DPP6: variants seen among roughly 807,000 people sequenced by gnomAD.
DPP6 encodes A-type potassium channel modulatory protein DPP6.
In DPP6, 69 loss-of-function variants were observed where a neutral mutation model predicts 122.6. The ratio of observed to expected loss-of-function variants is 0.56; its 90% CI spans 0.46 to 0.69. DPP6 has a LOEUF of 0.69. DPP6 is among the 30% of genes least tolerant of loss of function. The pLI, the probability that DPP6 is intolerant of heterozygous loss-of-function variation, is 0.00. For synonymous variants in DPP6, 418 were observed against 433.1 expected (o/e 0.97, Z 0.43); for missense variants, 928 against 1,116.9 (o/e 0.83, Z 2.41).
At chr7:153,994,033 C>T (rs2129043375) in intron 1 of DPP6, among the ~76,000 whole-genome samples, 1 of 152,252 alleles carries the variant, frequency 6.6e-6, no homozygotes, top group African/African-American at 2.4e-5. Context: ...TTACACTATC[C>T]AGTACTAGAT....
At chr7:153,784,131 C>T in the DPP6 span, among the ~76,000 whole-genome samples, 20 of 152,270 alleles carry the variant, frequency 1.3e-4, no homozygotes, top group Non-Finnish European at 2.8e-4. Context: ...ATGGAGTTTT[C>T]CATTTCTTGT....
intron 1 of DPP6, among the ~76,000 whole-genome samples, chr7:154,406,234 C>G (rs1422826108): frequency 3.3e-5 from 5 of 152,118 alleles, no homozygotes; most frequent in African/African-American, 1.2e-4. Context: ...AAAGGTAAGT[C>G]TACAGTGTGC....
intron 5 of DPP6, among the ~76,000 whole-genome samples, chr7:154,573,057 C>T (rs543840614): frequency 1.3e-5 from 2 of 152,164 alleles, no homozygotes; most frequent in East Asian, 3.9e-4. Flanking sequence ...TACTGCCATC[C>T]CTTCTTCATT....
chr7:154,518,740 A>G (rs1260466359), intron 3 of DPP6, among the ~76,000 whole-genome samples: 2 of 152,228 alleles, frequency 1.3e-5, no homozygotes, highest in Admixed American at 1.3e-4. Flanking sequence ...TGCTAATAAC[A>G]TTAGTAGTCC....
chr7:154,627,301 T>C (rs1586763389), intron 5 of DPP6, among the ~76,000 whole-genome samples: 1 of 149,952 alleles, frequency 6.7e-6, no homozygotes, highest in East Asian at 2.0e-4. Context: ...GTTTTCGCCA[T>C]TATCCTGCCT....
intron 1 of DPP6, among the ~76,000 whole-genome samples, chr7:154,371,443 A>G (rs1304907365): frequency 6.6e-6 from 1 of 151,572 alleles, no homozygotes. Context: ...AAACAAAAAA[A>G]TGTTGCAGTG....
intron 1 of DPP6, among the ~76,000 whole-genome samples, chr7:154,017,190 C>A (rs2907745): frequency 2.0e-5 from 3 of 152,166 alleles, no homozygotes; most frequent in Non-Finnish European, 2.9e-5. Context: ...GCCTCAGCCT[C>A]CCGAGTAACT....
chr7:153,992,825 A>T (rs1797241616), intron 1 of DPP6, among the ~76,000 whole-genome samples: 1 of 152,182 alleles, frequency 6.6e-6, no homozygotes, highest in Admixed American at 6.5e-5. Context: ...TCTGTAAGGC[A>T]GTTCCTCACC....
At chr7:153,916,674 T>C (rs1431526043) in intron 1 of DPP6, among the ~76,000 whole-genome samples, 1 of 152,108 alleles carries the variant, frequency 6.6e-6, no homozygotes, top group African/African-American at 2.4e-5. Context: ...CCCAAAGTGC[T>C]GGGATTACAA....
intron 1 of DPP6, among the ~76,000 whole-genome samples, chr7:154,091,861 A>G (rs891468515): frequency 1.2e-4 from 19 of 152,202 alleles, no homozygotes; most frequent in African/African-American, 4.1e-4. Flanking sequence ...AGCTTTATAA[A>G]CTGTCCAAAG....
At chr7:153,990,307 G>C (rs1198513404) in intron 1 of DPP6, among the ~76,000 whole-genome samples, 1 of 109,242 alleles carries the variant, frequency 9.2e-6, no homozygotes, top group African/African-American at 4.3e-5. Flanking sequence ...TGGGTTCCTG[G>C]GTCTTGCCCC....
chr7:154,752,732 G>C (rs779808873), intron 8 of DPP6, among the ~76,000 whole-genome samples: 41 of 152,186 alleles, frequency 2.7e-4, no homozygotes, highest in Admixed American at 3.9e-4. Flanking sequence ...GACCTACAGT[G>C]GCGGCCGCTC....
intron 1 of DPP6, among the ~76,000 whole-genome samples, chr7:154,242,825 C>T (rs1801712164): frequency 1.3e-5 from 2 of 152,222 alleles, no homozygotes; most frequent in South Asian, 2.1e-4. Context: ...AGGCTGCCCA[C>T]ACCATGGCAG....
intron 16 of DPP6, among the ~76,000 whole-genome samples, chr7:154,848,479 T>C (rs895965749): frequency 6.6e-6 from 1 of 152,232 alleles, no homozygotes; most frequent in Non-Finnish European, 1.5e-5. Context: ...CTTTGACAAA[T>C]TCAGGTCCTT....
At chr7:154,013,028 G>T (rs1365863759) in intron 1 of DPP6, among the ~76,000 whole-genome samples, 1 of 152,114 alleles carries the variant, frequency 6.6e-6, no homozygotes, top group Non-Finnish European at 1.5e-5. Flanking sequence ...TCTTTCACAG[G>T]CTCACTCGCT....
rs1390494680 is a variant in DPP6 at position 154,853,808 on chromosome 7, C to T, written c.1695C>T (p.His565=). The T allele has an allele frequency of 1.2e-6, 2 of 1,613,884 alleles. No homozygotes were observed. The highest frequency in any genetic ancestry group is 1.7e-6 in the Non-Finnish European group (2 of 1,179,852). ...CTGGTGTTCCTATGGTGACGGTGCA[C>T]AACACAACAGATAAGAAAAGTAAGT... ...EGPGVPMVTV[H]NTTDKKKMFD... is the part of the protein sequence containing the mutation. The change falls in exon 17 of 26, where the codon CAC becomes CAT. Residue 565 remains histidine, a synonymous_variant. Coordinates refer to ENST00000377770, the MANE Select transcript of DPP6 (RefSeq NM_130797.4).
chr7:154,683,028 C>T (rs1839379169), intron 7 of DPP6, among the ~76,000 whole-genome samples: 1 of 151,816 alleles, frequency 6.6e-6, no homozygotes, highest in African/African-American at 2.4e-5. Flanking sequence ...CAGCTATTTC[C>T]ACTCTAAAAA....
the DPP6 span, among the ~76,000 whole-genome samples, chr7:153,765,188 A>C: frequency 1.3e-5 from 2 of 152,050 alleles, no homozygotes; most frequent in Non-Finnish European, 2.9e-5. Context: ...TAAATAATGT[A>C]ACAGGTCACC....
At position 154,833,730 on chromosome 7, in the gene DPP6, G is replaced by A. The variant is rs760356653; in HGVS notation, c.1667-20050G>A. 4.6e-5 allele frequency among the ~76,000 whole-genome samples: 7 copies of A among 152,202 alleles called. No homozygotes were observed. Among genetic ancestry groups the A allele is most frequent in the Non-Finnish European group, 1.0e-4 (7 of 68,036 alleles). On this transcript the variant is annotated intron_variant, in intron 16 of 25. Coordinates refer to ENST00000377770, the MANE Select transcript of DPP6 (RefSeq NM_130797.4). This position sits in a 1 kb window ranked among gnomAD's most constrained non-coding sequence, Gnocchi z 4.3. ...GCAACATAAATTCACATAGCCACCA[G>A]TTAATAGCAGCTGATGAGTTTCCAT...
Sources: allele counts gnomAD v4.1 joint callset (sites outside exome capture counted in the v4.1 genomes callset), GRCh38; gene constraint gnomAD v4.1.1; non-coding constraint Gnocchi (gnomAD v3.1); transcripts MANE v1.5; gene names NCBI Gene and HGNC (gene_info 2026-07-23, HGNC 2026-07-21).